SBNO1: variants seen among roughly 807,000 people sequenced by gnomAD.
The protein encoded by SBNO1 is protein strawberry notch homolog 1.
SBNO1 carries 23 observed loss-of-function variants against 173.6 expected under a neutral mutation model. That is an observed-to-expected ratio of 0.13 (90% CI 0.10 to 0.19). The LOEUF (loss-of-function observed/expected upper bound fraction) is 0.19. Among genes scored for constraint, SBNO1 ranks in the 10% least tolerant of loss-of-function variants. The pLI is 1.00. For missense variants in SBNO1, 1,238 were observed against 1,671.2 expected (o/e 0.74, Z 4.52); for synonymous variants, 632 against 571.5 (o/e 1.11, Z -1.51).
In SBNO1 at chr12:123,309,867, A is replaced by G. The variant is rs2049010021; in HGVS notation, c.3296-11T>C. 6.4e-7 allele frequency: 1 copy of G among 1,563,812 alleles called. No homozygotes were observed. The highest frequency in any genetic ancestry group is 2.2e-5 in the East Asian group (1 of 44,484). Reference sequence around the variant, plus strand: ...CTATGTTGTTATAATCTGTAATGACAAAAGATAAACGTTTTCATGCAAATG... The same window carrying G: ...CTATGTTGTTATAATCTGTAATGACGAAAGATAAACGTTTTCATGCAAATG... On this transcript the variant is annotated splice_polypyrimidine_tract_variant and intron_variant, in intron 25 of 31. Transcript: ENST00000602398.
intron 17 of SBNO1, 33 bp downstream of exon 17, chr12:123,321,502 T>C (rs1456137412): frequency 4.9e-6 from 7 of 1,416,262 alleles, no homozygotes; most frequent in African/African-American, 4.2e-5. Context: ...AAATATTATA[T>C]GCTTTCGTGT....
intron 30 of SBNO1, among the ~76,000 whole-genome samples, chr12:123,299,038 C>T (rs555320811): frequency 1.8e-4 from 28 of 152,186 alleles, no homozygotes; most frequent in Non-Finnish European, 7.4e-5. Context: ...GCCTGGCCAA[C>T]GTGGAGAAAC....
intron 17 of SBNO1, 144 bp downstream of exon 17, chr12:123,321,391 T>G: frequency 1.5e-6 from 1 of 648,750 alleles, no homozygotes; most frequent in Admixed American, 3.0e-5. Flanking sequence ...TTCCAGAAGG[T>G]AGATAAGCCT....
At chr12:123,309,167 A>G (rs2048994951) in intron 28 of SBNO1, 143 bp downstream of exon 28, 2 of 648,432 alleles carry the variant, frequency 3.1e-6, no homozygotes, top group Admixed American at 5.6e-5. Context: ...ACAAATGGAC[A>G]AACACACAAT....
chr12:123,303,734 C>T (rs1262478740), intron 29 of SBNO1, among the ~76,000 whole-genome samples: 1 of 151,730 alleles, frequency 6.6e-6, no homozygotes, highest in Non-Finnish European at 1.5e-5. Flanking sequence ...GTGGCTGACA[C>T]CTGTTAATTC....
intron 1 of SBNO1, among the ~76,000 whole-genome samples, chr12:123,359,978 A>G (rs1316891363): frequency 6.6e-6 from 1 of 152,130 alleles, no homozygotes; most frequent in African/African-American, 2.4e-5. Flanking sequence ...TGGTAGCTCA[A>G]GCCTGTAATC....
intron 4 of SBNO1, among the ~76,000 whole-genome samples, 199 bp downstream of exon 4, chr12:123,345,059 T>A (rs1346820605): frequency 6.6e-6 from 1 of 152,192 alleles, no homozygotes; most frequent in African/African-American, 2.4e-5. Flanking sequence ...AGAAATCACA[T>A]TTCAAAGCTA....
intron 1 of SBNO1, among the ~76,000 whole-genome samples, chr12:123,354,497 A>T (rs1874215068): frequency 6.6e-6 from 1 of 152,122 alleles, no homozygotes; most frequent in African/African-American, 2.4e-5. Flanking sequence ...TGAAGGAGGG[A>T]AAGGGGACAG....
chr12:123,354,864 T>A (rs375959527), intron 1 of SBNO1, among the ~76,000 whole-genome samples: 1 of 7,322 alleles, frequency 1.4e-4, no homozygotes, highest in South Asian at 0.013. Flanking sequence ...TCTCAAACAA[T>A]GGACAAAAAA....
chr12:123,324,131 T>C (rs962426703), intron 15 of SBNO1, among the ~76,000 whole-genome samples: 13 of 152,176 alleles, frequency 8.5e-5, no homozygotes, highest in African/African-American at 3.1e-4. Flanking sequence ...TCAACACATA[T>C]GTTTTATGTT....
chr12:123,311,397 C>T (rs186625847), intron 24 of SBNO1, among the ~76,000 whole-genome samples: 8 of 152,038 alleles, frequency 5.3e-5, no homozygotes, highest in African/African-American at 4.8e-5. Context: ...TTTTTTGAGA[C>T]GGAGTCTCAC....
At chr12:123,318,922 C>T (rs10846516) in intron 20 of SBNO1, among the ~76,000 whole-genome samples, 3,167 of 150,600 alleles carry the variant, frequency 0.021, 41 homozygotes, top group Non-Finnish European at 0.03. Flanking sequence ...GTCTCAAAAT[C>T]GGAATGACAT....
chr12:123,303,837 AAAAAG>A (rs2048850116), intron 29 of SBNO1, among the ~76,000 whole-genome samples: 2 of 151,098 alleles, frequency 1.3e-5, no homozygotes, highest in East Asian at 4.1e-4. Context: ...TCATTTAAAA[AAAAAG>A]AAAGAAAGAA....
intron 25 of SBNO1, among the ~76,000 whole-genome samples, chr12:123,310,374 C>T (rs2049022410): frequency 6.6e-6 from 1 of 151,868 alleles, no homozygotes; most frequent in Admixed American, 6.6e-5. Flanking sequence ...GCTGGGATTA[C>T]AGGCGCCCGC....
At chr12:123,356,427 C>A (rs184329295) in intron 1 of SBNO1, among the ~76,000 whole-genome samples, 13 of 152,228 alleles carry the variant, frequency 8.5e-5, no homozygotes, top group African/African-American at 3.1e-4. Flanking sequence ...AACTTTCATA[C>A]TAGTCTTTGG....
intron 4 of SBNO1, among the ~76,000 whole-genome samples, 174 bp downstream of exon 4, chr12:123,345,084 G>A (rs1232104684): frequency 6.6e-6 from 1 of 152,054 alleles, no homozygotes. Flanking sequence ...ACCTACCCAA[G>A]GCATCTAAAC....
At chr12:123,320,309 A>C in intron 19 of SBNO1, 123 bp downstream of exon 19, 2 of 1,005,968 alleles carry the variant, frequency 2.0e-6, no homozygotes. Flanking sequence ...ATGGCAACTA[A>C]AGTAGAACAA....
Position 123,309,248 on chromosome 12 carries a change from T to C in SBNO1, c.3630+62A>G, listed in dbSNP as rs2048996885. The stretch of plus-strand genomic sequence containing the variant: ...AAACAGGTACAAAGTGAAGAGACAA[T>C]TACAATGCTGGCCATTAAAAAGTAT... On this transcript the variant is annotated intron_variant, in intron 28 of 31. Coordinates refer to ENST00000602398, the MANE Select transcript of SBNO1 (RefSeq NM_001167856.3). 8 of 1,224,596 alleles carry C rather than the reference T, an allele frequency of 6.5e-6. No homozygotes were observed. In the African/African-American group the frequency reaches 7.6e-5, roughly 12 times the overall value. 75.9% of individuals were successfully genotyped at this position (1,224,596 alleles called of 1,614,324 possible).
chr12:123,336,912 T>C (rs549092298), intron 5 of SBNO1, among the ~76,000 whole-genome samples: 3 of 152,302 alleles, frequency 2.0e-5, no homozygotes, highest in Admixed American at 6.5e-5. Context: ...CAAAGGTGGA[T>C]TGGCCCCAAA....
Sources: allele counts gnomAD v4.1 joint callset (sites outside exome capture counted in the v4.1 genomes callset), GRCh38; gene constraint gnomAD v4.1.1; transcripts MANE v1.5; gene names NCBI Gene and HGNC (gene_info 2026-07-23, HGNC 2026-07-21).